Variants in DMXL1 observed in about 807,000 individuals in gnomAD.
DMXL1 encodes Dmx like 1, also known as dmX-like protein 1.
Under a neutral mutation model 319.2 loss-of-function variants are expected in DMXL1, and 99 were observed. That is an observed-to-expected ratio of 0.31 (90% confidence interval 0.26 to 0.37). The LOEUF (loss-of-function observed/expected upper bound fraction) is 0.37. Ranked by LOEUF, DMXL1 falls within the 10% of genes least tolerant of loss-of-function variation. DMXL1 has a pLI of 1.00. For missense variants in DMXL1, 3,745 were observed against 3,595.6 expected (o/e 1.04, Z -1.06); for synonymous variants, 1,385 against 1,235.2 (o/e 1.12, Z -2.54).
chr5:119,185,297 A>G (rs559265931), intron 28 of DMXL1, among the ~76,000 whole-genome samples: 1 of 152,206 alleles, frequency 6.6e-6, no homozygotes, highest in African/African-American at 2.4e-5. Flanking sequence ...ATTCTGGTGA[A>G]TCATTTTGTA....
At chr5:119,127,011 C>G (rs1180894002) in intron 9 of DMXL1, 1 of 166,384 alleles carries the variant, frequency 6.0e-6, no homozygotes. Flanking sequence ...TTGTCCCCAT[C>G]TTCTTCATTT....
chr5:119,247,211 A>G lies in DMXL1; in HGVS notation c.9139A>G (p.Met3047Val), dbSNP rs565168455. Reference protein sequence around the residue: ...NEVLKNDVKFML With the variant: ...NEVLKNDVKFVL ...AGTGTTGAAAAATGATGTGAAATTT[A>G]TGCTATAACATTTTTACAATAAGAT... The change falls in exon 44 of 44, where the codon ATG becomes GTG. Residue 3047 changes from methionine (M) to valine (V), a missense_variant. Transcript: ENST00000539542. 3 of 1,608,756 alleles carry G rather than the reference A, an allele frequency of 1.9e-6. No homozygotes were observed. The highest frequency in any genetic ancestry group is 1.3e-5 in the African/African-American group (1 of 74,908).
At chr5:119,209,191 AAATGCTTTC>A (rs1782294935) in intron 34 of DMXL1, among the ~76,000 whole-genome samples, 1 of 152,214 alleles carries the variant, frequency 6.6e-6, no homozygotes. Context: ...TTTTATGGAA[AAATGCTTTC>A]ATTTCTCTTG....
At position 119,126,618 on chromosome 5, in the gene DMXL1, C is replaced by CA. The variant is rs573967667; in HGVS notation, c.1103-2585dup. ...TCGTAATCTCTGTAAATAACAATAACAAAAAAAATTTTTGTCCTGCTGTTA... is the reference window on the plus strand; with the variant it reads ...TCGTAATCTCTGTAAATAACAATAACAAAAAAAAATTTTTGTCCTGCTGTTA... On this transcript the variant is annotated intron_variant, in intron 9 of 43. Coordinates refer to ENST00000539542, the MANE Select transcript of DMXL1 (RefSeq NM_001290321.3). 1.2e-4 allele frequency among the ~76,000 whole-genome samples: 18 copies of CA among 152,130 alleles called. No homozygotes were observed. The East Asian group carries it at 3.3e-3, about 28-fold the overall frequency.
At chr5:119,151,018 T>G (rs1466503849) in intron 18 of DMXL1, among the ~76,000 whole-genome samples, 1 of 152,164 alleles carries the variant, frequency 6.6e-6, no homozygotes, top group African/African-American at 2.4e-5. Flanking sequence ...TCTTTCTGAG[T>G]TTAGCAAAAT....
chr5:119,085,308 G>A (rs1300660820), intron 1 of DMXL1, among the ~76,000 whole-genome samples: 2 of 151,062 alleles, frequency 1.3e-5, no homozygotes, highest in African/African-American at 2.4e-5. Context: ...CTCCAGCCTG[G>A]GCAACAGAGT....
intron 38 of DMXL1, among the ~76,000 whole-genome samples, chr5:119,229,750 T>C (rs889320670): frequency 6.6e-6 from 1 of 152,188 alleles, no homozygotes; most frequent in African/African-American, 2.4e-5. Context: ...TTAGTAATGT[T>C]AGTTTCTAGT....
At chr5:119,122,050 A>G (rs1325123802) in intron 9 of DMXL1, among the ~76,000 whole-genome samples, 3 of 105,800 alleles carry the variant, frequency 2.8e-5, no homozygotes, top group Non-Finnish European at 5.8e-5. Context: ...TGACCCCCCA[A>G]CCTCCCTCCC....
chr5:119,122,018 G>C (rs1435788009), intron 9 of DMXL1, among the ~76,000 whole-genome samples: 1 of 145,074 alleles, frequency 6.9e-6, no homozygotes, highest in African/African-American at 2.6e-5. Context: ...TCCCGGACGG[G>C]GCGGCTGGCC....
Position 119,197,049 on chromosome 5 carries a change from T to C in DMXL1, c.7543+593T>C, listed in dbSNP as rs185999175. Among the ~76,000 whole-genome samples, 3 of 152,348 alleles carry C rather than the reference T, an allele frequency of 2.0e-5. No homozygotes were observed. The East Asian group carries it at 5.8e-4, about 29-fold the overall frequency. On this transcript the variant is annotated intron_variant, in intron 31 of 43. Coordinates refer to ENST00000539542, the MANE Select transcript of DMXL1 (RefSeq NM_001290321.3). ...GATATAGGGAGGTAAGTAGTAGGAA[T>C]AACTAAAAGTTGAAACTGAGATCAG... is the stretch of plus-strand genomic sequence containing the variant.
chr5:119,145,695 A>T (rs1768370009), intron 15 of DMXL1, among the ~76,000 whole-genome samples: 1 of 151,348 alleles, frequency 6.6e-6, no homozygotes, highest in Non-Finnish European at 1.5e-5. Flanking sequence ...CTTTTTTCGG[A>T]TTCTTCAATT....
intron 5 of DMXL1, among the ~76,000 whole-genome samples, chr5:119,111,896 T>C (rs1383405940): frequency 1.3e-5 from 2 of 152,174 alleles, no homozygotes; most frequent in African/African-American, 4.8e-5. Flanking sequence ...ATGAATGTTA[T>C]CTAATAGTGT....
chr5:119,204,577 A>G (rs1175278195), intron 33 of DMXL1, among the ~76,000 whole-genome samples: 1 of 135,744 alleles, frequency 7.4e-6, no homozygotes. Context: ...TTTTTTTGTC[A>G]TTTAGTTTAG....
At position 119,122,060 on chromosome 5, in the gene DMXL1, C is replaced by T. The variant is rs181868070; in HGVS notation, c.1102+921C>T. On this transcript the variant is annotated intron_variant, in intron 9 of 43. Coordinates refer to ENST00000539542, the MANE Select transcript of DMXL1 (RefSeq NM_001290321.3). ...GGGGCTGACCCCCCAACCTCCCTCC[C>T]GGTCGGGGCGGCTGGCCGGGCGGGG... Among the ~76,000 whole-genome samples the T allele has an allele frequency of 9.9e-3, 1,443 of 145,854 alleles. 32 individuals are homozygous for T. The highest frequency in any genetic ancestry group is 0.036 in the South Asian group (165 of 4,538).
At chr5:119,085,118 C>T (rs906217263) in intron 1 of DMXL1, among the ~76,000 whole-genome samples, 2 of 151,870 alleles carry the variant, frequency 1.3e-5, no homozygotes, top group Non-Finnish European at 2.9e-5. Flanking sequence ...CACATGAGGC[C>T]AAGAGTTCAA....
At chr5:119,076,401 G>GT (rs79009167) in intron 1 of DMXL1, among the ~76,000 whole-genome samples, 38 of 147,314 alleles carry the variant, frequency 2.6e-4, no homozygotes, top group South Asian at 4.3e-4. Context: ...GAAGGTGTTT[G>GT]TTTTTTTTTT....
At position 119,077,838 on chromosome 5, in the gene DMXL1, C is replaced by CGTGT. The variant is rs1277830686; in HGVS notation, c.87+6193_87+6196dup. On this transcript the variant is annotated intron_variant, in intron 1 of 43. Coordinates refer to ENST00000539542, the MANE Select transcript of DMXL1 (RefSeq NM_001290321.3). ...CCTATCTGTACTTAAAAAATATATA[C>CGTGT]GTGTGTGTGTGTGTATATATACGTG... Among the ~76,000 whole-genome samples, 26 of 108,814 alleles carry CGTGT rather than the reference C, an allele frequency of 2.4e-4. No individual in the cohort carries two copies. In the East Asian group the frequency reaches 7.1e-3, roughly 30 times the overall value. 71.4% of individuals were successfully genotyped at this position (108,814 alleles called of 152,430 possible). A position where few individuals can be genotyped will look rare whatever the true frequency, so the allele number is the denominator to read the frequency against.
intron 9 of DMXL1, among the ~76,000 whole-genome samples, chr5:119,121,377 G>C (rs1762013376): frequency 6.6e-6 from 1 of 151,934 alleles, no homozygotes; most frequent in Non-Finnish European, 1.5e-5. Flanking sequence ...AAGGTCAGCA[G>C]ATCAACAAGT....
At chr5:119,158,317 T>C (rs1193431778) in intron 19 of DMXL1, among the ~76,000 whole-genome samples, 1 of 152,192 alleles carries the variant, frequency 6.6e-6, no homozygotes, top group Non-Finnish European at 1.5e-5. Flanking sequence ...GCTTTTTGCA[T>C]TTTAATTTTG....
Sources: allele counts gnomAD v4.1 joint callset (sites outside exome capture counted in the v4.1 genomes callset), GRCh38; gene constraint gnomAD v4.1.1; transcripts MANE v1.5; gene names NCBI Gene and HGNC (gene_info 2026-07-23, HGNC 2026-07-21).